Variants in AKAP3 observed in about 807,000 individuals in gnomAD.
AKAP3 encodes the protein A-kinase anchor protein 3.
A neutral mutation model predicts 57.2 loss-of-function variants in AKAP3; 27 were observed. The observed-to-expected ratio is 0.47, with a 90% CI of 0.35 to 0.65. The LOEUF is 0.65. AKAP3 is among the 30% of genes least tolerant of loss of function. The pLI is 0.01. For missense variants in AKAP3, 959 were observed against 1,040.0 expected (o/e 0.92, Z 1.07); for synonymous variants, 334 against 392.3 (o/e 0.85, Z 1.76).
chr12:4,634,171 T>C (rs1945536157), intron 4 of AKAP3, among the ~76,000 whole-genome samples: 1 of 152,098 alleles, frequency 6.6e-6, no homozygotes. Flanking sequence ...CCTAAAATAG[T>C]GCAATATACC....
rs1189547792 is a variant in AKAP3, at chr12:4,648,955, T to C, written c.-455A>G. The C allele has an allele frequency of 2.9e-6, 2 of 691,358 alleles. No homozygotes were observed. Among genetic ancestry groups the C allele is most frequent in the African/African-American group, 3.6e-5 (2 of 55,442 alleles). 42.8% of individuals were successfully genotyped at this position (691,358 alleles called of 1,614,324 possible). A position where few individuals can be genotyped will look rare whatever the true frequency, so the allele number is the denominator to read the frequency against. The stretch of plus-strand genomic sequence containing the variant: ...TTCCAACAGCCAAAGTCTTTTCACT[T>C]CCTTTCTTCCCCCTCTCCTTCACTT... On this transcript the variant is annotated 5_prime_UTR_variant, in exon 1 of 6. Coordinates refer to ENST00000228850, the MANE Select transcript of AKAP3 (RefSeq NM_001278309.2).
At position 4,639,936 on chromosome 12, in the gene AKAP3, C is replaced by A. The variant is rs185782135; in HGVS notation, c.1-1740G>T. Among the ~76,000 whole-genome samples, 1,210 of 151,736 alleles carry A rather than the reference C, an allele frequency of 8.0e-3. 9 individuals are homozygous for A. The highest frequency in any genetic ancestry group is 0.012 in the Non-Finnish European group (837 of 67,926). On this transcript the variant is annotated intron_variant, in intron 3 of 5. Transcript: ENST00000228850. Reference sequence around the variant, plus strand: ...GGTTCACGCCATTCTCCTGCCTCAGCCTCCCAAGTAGCTGGGACTACAGGC... The same window carrying A: ...GGTTCACGCCATTCTCCTGCCTCAGACTCCCAAGTAGCTGGGACTACAGGC...
chr12:4,642,594 A>G (rs756803700), intron 2 of AKAP3, among the ~76,000 whole-genome samples: 3 of 152,198 alleles, frequency 2.0e-5, no homozygotes, highest in Non-Finnish European at 4.4e-5. Flanking sequence ...CTTACTTTTT[A>G]GCCCAGGTCA....
chr12:4,632,395 G>C (rs12313377), intron 4 of AKAP3, among the ~76,000 whole-genome samples: 69,616 of 151,868 alleles, frequency 0.46, 16,480 homozygotes, highest in Middle Eastern at 0.55. Context: ...CCTCACCCTA[G>C]TTTTTTTGTG....
intron 4 of AKAP3, among the ~76,000 whole-genome samples, chr12:4,633,734 T>C (rs1476526427): frequency 1.0e-5 from 1 of 98,724 alleles, no homozygotes; most frequent in Non-Finnish European, 2.0e-5. Context: ...TCAGCATCTT[T>C]TGCTTCAGTA....
rs768650919 is a variant in AKAP3, at chr12:4,626,577, G to A, written c.2325C>T (p.Ala775=). 14 of 1,614,020 alleles carry A rather than the reference G, an allele frequency of 8.7e-6. No individual in the cohort carries two copies. The highest frequency in any genetic ancestry group is 5.3e-5 in the African/African-American group (4 of 74,916). ...TDTVQNKQLQ[A]VLQWVAASEL... is the part of the protein sequence containing the mutation. Reference sequence around the variant, plus strand: ...CAGAGGCAGCTACCCATTGAAGGACGGCTTGGAGTTGCTTGTTCTGAACTG... The same window carrying A: ...CAGAGGCAGCTACCCATTGAAGGACAGCTTGGAGTTGCTTGTTCTGAACTG... Residue 775 remains alanine (A), a synonymous_variant, in exon 5 of 6, where the codon GCC becomes GCT. Coordinates refer to ENST00000228850, the MANE Select transcript of AKAP3 (RefSeq NM_001278309.2).
intron 4 of AKAP3, among the ~76,000 whole-genome samples, chr12:4,634,694 T>G (rs1945542003): frequency 6.6e-6 from 1 of 150,426 alleles, no homozygotes; most frequent in Non-Finnish European, 1.5e-5. Context: ...CTCAAATTCC[T>G]AAAACAAGAT....
At chr12:4,643,642 T>C (rs1397691021) in intron 2 of AKAP3, among the ~76,000 whole-genome samples, 1 of 152,184 alleles carries the variant, frequency 6.6e-6, no homozygotes, top group African/African-American at 2.4e-5. Flanking sequence ...AATTTTCCCA[T>C]GGCAAGTAGA....
intron 1 of AKAP3, chr12:4,647,697 T>C (rs956446530): frequency 2.0e-5 from 3 of 152,220 alleles, no homozygotes; most frequent in African/African-American, 7.2e-5. Context: ...AGTATCCATA[T>C]TGGTCCCAAA....
intron 3 of AKAP3, among the ~76,000 whole-genome samples, chr12:4,640,996 G>C (rs1426151567): frequency 2.7e-5 from 4 of 150,386 alleles, no homozygotes; most frequent in Admixed American, 2.7e-4. Flanking sequence ...AGACTGGGTA[G>C]GTCCAGAAAG....
At chr12:4,619,583 A>G (rs750728358) in intron 5 of AKAP3, among the ~76,000 whole-genome samples, 4 of 151,564 alleles carry the variant, frequency 2.6e-5, no homozygotes, top group Non-Finnish European at 5.9e-5. Flanking sequence ...ACAAAAAAAC[A>G]TAAGAAAAAA....
At position 4,628,729 on chromosome 12, in the gene AKAP3, T is replaced by A. The variant is rs964663097; in HGVS notation, c.173A>T (p.Asp58Val). 13 of 1,614,094 alleles carry A rather than the reference T, an allele frequency of 8.1e-6. No individual in the cohort carries two copies. The highest frequency in any genetic ancestry group is 1.0e-5 in the Non-Finnish European group (12 of 1,180,026). The part of the protein sequence containing the change: ...DLEKSTAEFQ[D>V]VRFKPGESFG... ...TGATTCTCCGGGTTTGAACCGAACA[T>A]CTTGGAACTCTGCTGTACTCTTCTC... The change falls in exon 5 of 6, where the codon GAT becomes GTT. Residue 58 changes from aspartate to valine, a missense_variant. Transcript: ENST00000228850.
chr12:4,635,797 A>G, intron 4 of AKAP3: 1 of 699,024 alleles, frequency 1.4e-6, no homozygotes. Context: ...TAGTGTCATC[A>G]AGACACACAT....
At chr12:4,639,695 C>T (rs896771100) in intron 3 of AKAP3, among the ~76,000 whole-genome samples, 4 of 151,324 alleles carry the variant, frequency 2.6e-5, no homozygotes, top group Admixed American at 1.3e-4. Flanking sequence ...TCTGTCCTTG[C>T]GATAGTTTGC....
At position 4,628,071 on chromosome 12, in the gene AKAP3, A is replaced by G; in HGVS notation, c.831T>C (p.Phe277=). ...TGATCCCTTCACTAACAGAAGCCGTAAAGTCATCAGGCCTTTCCTGCCCTC... is the reference window on the plus strand; with the variant it reads ...TGATCCCTTCACTAACAGAAGCCGTGAAGTCATCAGGCCTTTCCTGCCCTC... The part of the protein sequence containing the change: ...RFRGQERPDD[F]TASVSEGIMT... Residue 277 remains phenylalanine (F), a synonymous_variant, in exon 5 of 6, where the codon TTT becomes TTC. Coordinates refer to ENST00000228850, the MANE Select transcript of AKAP3 (RefSeq NM_001278309.2). The G allele has an allele frequency of 6.2e-7, 1 of 1,614,174 alleles. No homozygotes were observed. The highest frequency in any genetic ancestry group is 2.2e-5 in the East Asian group (1 of 44,882).
rs1296680457 is a variant in AKAP3 at position 4,645,048 on chromosome 12, T to G, written c.-107+7A>C. The G allele has an allele frequency of 6.6e-6, 1 of 152,232 alleles. No individual in the cohort carries two copies. Among genetic ancestry groups the G allele is most frequent in the African/African-American group, 2.4e-5 (1 of 41,452 alleles). 9.4% of individuals were successfully genotyped at this position (152,232 alleles called of 1,614,324 possible). A position where few individuals can be genotyped will look rare whatever the true frequency, so the allele number is the denominator to read the frequency against. On this transcript the variant is annotated splice_region_variant and intron_variant, in intron 2 of 5. Coordinates refer to ENST00000228850, the MANE Select transcript of AKAP3 (RefSeq NM_001278309.2). ...GGCTGTTTTATCAGTCCAGTAAGAT[T>G]ACCTACCTCTGTAGTACTGGAATAG... is the stretch of plus-strand genomic sequence containing the variant.
intron 4 of AKAP3, among the ~76,000 whole-genome samples, chr12:4,637,607 G>A (rs997343740): frequency 1.3e-5 from 2 of 152,084 alleles, no homozygotes; most frequent in East Asian, 1.9e-4. Flanking sequence ...AGACCCTGAC[G>A]ATACATTGCC....
Position 4,615,891 on chromosome 12 carries a change from G to T in AKAP3, c.2410C>A (p.Leu804Ile). ...TCCACAGCAGCAGCTGAGAGCTGAAGTAGCTGTGAAAGGAAAGAAAACACC... is the reference window on the plus strand; with the variant it reads ...TCCACAGCAGCAGCTGAGAGCTGAATTAGCTGTGAAAGGAAAGAAAACACC... The part of the protein sequence containing the change: ...GDDEGIQEKL[L>I]QLSAAAVDKG... Residue 804 changes from leucine (L) to isoleucine (I), a missense_variant, in exon 6 of 6, where the codon CTT becomes ATT. Physicochemically the swap from Leu to Ile is conservative, Grantham distance 5 (BLOSUM62 2). Coordinates refer to ENST00000228850, the MANE Select transcript of AKAP3 (RefSeq NM_001278309.2). 6.2e-7 allele frequency: 1 copy of T among 1,614,194 alleles called. No homozygotes were observed. The highest frequency in any genetic ancestry group is 1.1e-5 in the South Asian group (1 of 91,070).
chr12:4,635,032 G>C (rs1379662036), intron 4 of AKAP3, among the ~76,000 whole-genome samples: 1 of 151,996 alleles, frequency 6.6e-6, no homozygotes, highest in African/African-American at 2.4e-5. Context: ...GAAATGGGCT[G>C]GTTAACTGTG....
Sources: gnomAD v4.1 joint callset for allele counts (sites outside exome capture counted in the v4.1 genomes callset) on GRCh38, gnomAD v4.1.1 for gene constraint, MANE v1.5 for transcripts, NCBI Gene and HGNC (gene_info 2026-07-23, HGNC 2026-07-21) for gene names.